Variants in HTT observed in about 807,000 individuals in gnomAD.
The protein encoded by HTT is huntingtin.
Under a neutral mutation model 362.3 loss-of-function variants are expected in HTT, and 104 were observed. That is an observed-to-expected ratio of 0.29 (90% CI 0.24 to 0.34). The LOEUF is 0.34. Ranked by LOEUF, HTT falls within the 10% of genes least tolerant of loss-of-function variation. The pLI, the probability that HTT is intolerant of heterozygous loss-of-function variation, is 1.00. For synonymous variants in HTT, 1,577 were observed against 1,548.7 expected, an observed-to-expected ratio of 1.02 and a Z score of -0.43; for missense variants, 3,301 against 3,928.6, an observed-to-expected ratio of 0.84 and a Z score of 4.27.
At chr4:3,172,761 A>G (rs1718052836) in intron 30 of HTT, 147 bp from the exon 31 acceptor site, 1 of 662,630 alleles carries the variant, frequency 1.5e-6, no homozygotes, top group East Asian at 2.8e-5. Flanking sequence ...CTCATGAGGT[A>G]TTAATAGTGA....
intron 40 of HTT, among the ~76,000 whole-genome samples, chr4:3,196,731 C>A (rs1168093791): frequency 6.6e-6 from 1 of 150,944 alleles, no homozygotes; most frequent in Non-Finnish European, 1.5e-5. Flanking sequence ...AGAGTGAGAC[C>A]CTGTCTGAAA....
chr4:3,095,893 C>T (rs1016647783), intron 2 of HTT, among the ~76,000 whole-genome samples: 1 of 152,198 alleles, frequency 6.6e-6, no homozygotes, highest in African/African-American at 2.4e-5. Flanking sequence ...TTCAACCTAA[C>T]TATGTCAAAA....
chr4:3,106,461 G>A (rs775326594), intron 5 of HTT, among the ~76,000 whole-genome samples: 1 of 152,144 alleles, frequency 6.6e-6, no homozygotes, highest in Non-Finnish European at 1.5e-5. Flanking sequence ...TTAAAAAAAT[G>A]TGTTATATTT....
At chr4:3,177,492 T>C (rs1296286839) in intron 34 of HTT, 105 bp downstream of exon 34, 1 of 745,038 alleles carries the variant, frequency 1.3e-6, no homozygotes, top group African/African-American at 1.8e-5. Context: ...ATTTTTGCTG[T>C]TTTCTTTAAA....
chr4:3,163,103 G>A (rs972291288), intron 29 of HTT, among the ~76,000 whole-genome samples: 2 of 152,092 alleles, frequency 1.3e-5, no homozygotes, highest in Non-Finnish European at 2.9e-5. Flanking sequence ...ACGTTCCATC[G>A]ATACCTAGTT....
chr4:3,207,459 C>A, intron 45 of HTT, 102 bp downstream of exon 45: 1 of 970,656 alleles, frequency 1.0e-6, no homozygotes, highest in Non-Finnish European at 1.6e-6. Context: ...AATCGATGTG[C>A]CTTATAGGTG....
rs759324786 is a variant in HTT at position 3,127,538 on chromosome 4, C to T, written c.1677C>T (p.Ser559=). 6.2e-6 allele frequency: 10 copies of T among 1,614,142 alleles called. No individual in the cohort carries two copies. The East Asian group carries it at 1.6e-4, about 25-fold the overall frequency. ...NDGTQASSPI[S]DSSQTTTEGP... is the part of the protein sequence containing the mutation. Reference sequence around the variant, plus strand: ...GGACCCAGGCCTCGTCGCCCATCAGCGACAGCTCCCAGACCACCACCGAAG... The same window carrying T: ...GGACCCAGGCCTCGTCGCCCATCAGTGACAGCTCCCAGACCACCACCGAAG... Residue 559 remains serine (S), a synonymous_variant, in exon 12 of 67, where the codon AGC becomes AGT. Coordinates refer to ENST00000355072, the MANE Select transcript of HTT (RefSeq NM_001388492.1).
rs1344051944 is a variant in HTT at position 3,242,183 on chromosome 4, C to T, written c.*2124C>T. 5.3e-5 allele frequency: 8 copies of T among 152,166 alleles called. No individual in the cohort carries two copies. 9.4% of individuals were successfully genotyped at this position (152,166 alleles called of 1,614,324 possible). A position where few individuals can be genotyped will look rare whatever the true frequency, so the allele number is the denominator to read the frequency against. On this transcript the variant is annotated 3_prime_UTR_variant, in exon 67 of 67. Coordinates refer to ENST00000355072, the MANE Select transcript of HTT (RefSeq NM_001388492.1). ...TAACACTGTGAATGTAAAACAGAGC[C>T]ATTCCCTTGGAATGCATATCGCTGG...
chr4:3,078,605 A>G (rs985900562), intron 1 of HTT, among the ~76,000 whole-genome samples: 4 of 151,988 alleles, frequency 2.6e-5, no homozygotes, highest in African/African-American at 4.8e-5. Flanking sequence ...TTCTTGCTCT[A>G]TCAGCCAGGC....
chr4:3,154,556 C>T lies in HTT; in HGVS notation c.3625+137C>T, dbSNP rs552582472. On this transcript the variant is annotated intron_variant, in intron 27 of 66. Transcript: ENST00000355072. ...AAGTGAGAGAAAGTTTCTCCAGGTG[C>T]GGTTCAAGATATTAGAAACTAATGA... is the stretch of plus-strand genomic sequence containing the variant. 6.0e-5 allele frequency: 72 copies of T among 1,209,462 alleles called. No individual in the cohort carries two copies. The African/African-American group carries it at 6.6e-4, about 11-fold the overall frequency. The allele number at this position is 1,209,462 out of a possible 1,614,324, so 74.9% of individuals were successfully genotyped here.
At chr4:3,105,974 C>G (rs1005576780) in intron 5 of HTT, among the ~76,000 whole-genome samples, 2 of 152,198 alleles carry the variant, frequency 1.3e-5, no homozygotes, top group Admixed American at 6.5e-5. Context: ...CCTTAACCAG[C>G]AATACATGCT....
rs41264733 is a variant in HTT at position 3,203,735 on chromosome 4, G to A, written c.5577-272G>A. Among the ~76,000 whole-genome samples, 1,181 of 152,338 alleles carry A rather than the reference G, an allele frequency of 7.8e-3. 4 individuals are homozygous for A. The highest frequency in any genetic ancestry group is 0.012 in the Non-Finnish European group (818 of 68,038). On this transcript the variant is annotated intron_variant, in intron 41 of 66. Transcript: ENST00000355072. ...TCTGAAATAAAGGTGCTGATTGAAT[G>A]TGCAGCTTTATGGTGGATTTTGCTA...
chr4:3,095,522 C>T (rs931327132), intron 2 of HTT, among the ~76,000 whole-genome samples: 11 of 152,014 alleles, frequency 7.2e-5, no homozygotes, highest in Admixed American at 2.6e-4. Flanking sequence ...TGTGCGAGGG[C>T]GAGGGCGAGG....
At chr4:3,098,478 T>C (rs1713976852) in intron 2 of HTT, among the ~76,000 whole-genome samples, 1 of 152,224 alleles carries the variant, frequency 6.6e-6, no homozygotes, top group African/African-American at 2.4e-5. Context: ...TTCTTGGGAT[T>C]ACTTCAAGAA....
At chr4:3,196,827 A>G (rs1003373053) in intron 40 of HTT, among the ~76,000 whole-genome samples, 7 of 151,722 alleles carry the variant, frequency 4.6e-5, no homozygotes, top group Admixed American at 2.0e-4. Flanking sequence ...GCTCTTTTAC[A>G]CTTAACAGCC....
chr4:3,126,622 G>T (rs1251915483), intron 11 of HTT, among the ~76,000 whole-genome samples: 2 of 152,076 alleles, frequency 1.3e-5, no homozygotes, highest in African/African-American at 2.4e-5. Flanking sequence ...CAGCAATCCG[G>T]ATACTATAAA....
intron 55 of HTT, 78 bp from the exon 56 acceptor site, chr4:3,223,914 G>A: frequency 1.3e-6 from 2 of 1,495,316 alleles, no homozygotes; most frequent in Non-Finnish European, 1.9e-6. Context: ...AGGCAAAGCG[G>A]AGGGAAAGTT....
intron 2 of HTT, among the ~76,000 whole-genome samples, chr4:3,090,494 A>G (rs1309105835): frequency 6.6e-6 from 1 of 152,238 alleles, no homozygotes; most frequent in Non-Finnish European, 1.5e-5. Context: ...CTAGGTAAAC[A>G]TAAATATACA....
chr4:3,146,878 G>C lies in HTT; in HGVS notation c.3225G>C (p.Ser1075=). 2 of 1,614,148 alleles carry C rather than the reference G, an allele frequency of 1.2e-6. No individual in the cohort carries two copies. Among genetic ancestry groups the C allele is most frequent in the South Asian group, 1.1e-5 (1 of 91,076 alleles). ...CCACAATGATTCTGACCCTGCTCTCGTCAGCTTGGTTCCCATTGGATCTCT... is the reference window on the plus strand; with the variant it reads ...CCACAATGATTCTGACCCTGCTCTCCTCAGCTTGGTTCCCATTGGATCTCT... The part of the protein sequence containing the change: ...GMATMILTLL[S]SAWFPLDLSA... Residue 1075 remains serine, a synonymous_variant, in exon 25 of 67, where the codon TCG becomes TCC. Coordinates refer to ENST00000355072, the MANE Select transcript of HTT (RefSeq NM_001388492.1).
Sources: gnomAD v4.1 joint callset for allele counts (sites outside exome capture counted in the v4.1 genomes callset) on GRCh38, gnomAD v4.1.1 for gene constraint, MANE v1.5 for transcripts, NCBI Gene and HGNC (gene_info 2026-07-23, HGNC 2026-07-21) for gene names.